The following PLB1 variants were observed in gnomAD, a reference collection of about 807,000 sequenced individuals.
The protein encoded by PLB1 is phospholipase B1, membrane-associated.
Under a neutral mutation model 227.4 loss-of-function variants are expected in PLB1, and 242 were observed. That is an observed-to-expected ratio of 1.06 (90% CI 0.96 to 1.18). PLB1 has a LOEUF of 1.18. Ranked by LOEUF, PLB1 falls within the 50% of genes most tolerant of loss-of-function variation. The probability of loss-of-function intolerance (pLI) is 0.00; values close to 1 mark genes in which losing one functional copy is unlikely to be tolerated. For synonymous variants in PLB1, 757 were observed against 682.2 expected (o/e 1.11, Z -1.71); for missense variants, 1,858 against 1,816.3 (o/e 1.02, Z -0.42).
intron 15 of PLB1, 33 bp downstream of exon 15, chr2:28,548,964 T>C (rs373310325): frequency 4.6e-5 from 74 of 1,606,994 alleles, no homozygotes; most frequent in Admixed American, 8.3e-5. Flanking sequence ...GGGACTCTTA[T>C]TGAATCGAGG....
chr2:28,549,059 C>A, intron 15 of PLB1, 128 bp downstream of exon 15: 1 of 812,180 alleles, frequency 1.2e-6, no homozygotes, highest in Non-Finnish European at 2.0e-6. Flanking sequence ...TCTGGGCCTG[C>A]ACACAGTTTT....
chr2:28,558,135 CAT>C (rs1234790294), intron 17 of PLB1, among the ~76,000 whole-genome samples: 1 of 139,012 alleles, frequency 7.2e-6, no homozygotes, highest in African/African-American at 2.6e-5. Context: ...CAGACATAAA[CAT>C]AGGGGGGTGT....
At position 28,579,637 on chromosome 2, in the gene PLB1, T is replaced by C; in HGVS notation, c.1496T>C (p.Phe499Ser). ...TTCTATTCATTTCAGAGGATACACT[T>C]TCAGGAAGACTGGAAGATAATAACC... ...DLMKNDTRIH[F>S]QEDWKIITLF... Residue 499 changes from phenylalanine to serine, a missense_variant, in exon 23 of 58, where the codon TTT (phenylalanine) becomes TCT (serine). Coordinates refer to ENST00000327757, the MANE Select transcript of PLB1 (RefSeq NM_153021.5). 6.2e-7 allele frequency: 1 copy of C among 1,612,168 alleles called. No homozygotes were observed. The highest frequency in any genetic ancestry group is 8.5e-7 in the Non-Finnish European group (1 of 1,178,364).
At chr2:28,602,076 G>C (rs907118121) in intron 38 of PLB1, 112 bp downstream of exon 38, 21 of 1,011,746 alleles carry the variant, frequency 2.1e-5, no homozygotes, top group Middle Eastern at 2.3e-4. Context: ...ACAGCCAGGG[G>C]CATGGACTCC....
In PLB1 at chr2:28,602,912, A is replaced by C; in HGVS notation, c.2765A>C (p.Gln922Pro). ...FLGNPDKCPV[Q>P]QASVLCNCVL... Reference sequence around the variant, plus strand: ...GGAAACCCAGACAAGTGCCCAGTGCAGCAGGCCAGGTAGGCAGGTCCTGGC... The same window carrying C: ...GGAAACCCAGACAAGTGCCCAGTGCCGCAGGCCAGGTAGGCAGGTCCTGGC... The change falls in exon 39 of 58, where the codon CAG (glutamine) becomes CCG (proline). Residue 922 changes from glutamine (Q) to proline (P), a missense_variant. Physicochemically the swap from Gln to Pro is moderately conservative, Grantham distance 76. Transcript: ENST00000327757. The C allele has an allele frequency of 6.2e-7, 1 of 1,614,112 alleles. No homozygotes were observed. The highest frequency in any genetic ancestry group is 1.1e-5 in the South Asian group (1 of 91,088).
intron 1 of PLB1, 53 bp downstream of exon 1, chr2:28,496,222 C>G: frequency 6.4e-7 from 1 of 1,556,522 alleles, no homozygotes; most frequent in Non-Finnish European, 8.8e-7. Flanking sequence ...CCGCTGGTGT[C>G]CCATGTTGCT....
chr2:28,598,400 G>T lies in PLB1; in HGVS notation c.2366-252G>T, dbSNP rs56933732. Among the ~76,000 whole-genome samples, 490 of 152,310 alleles carry T rather than the reference G, an allele frequency of 3.2e-3. 3 individuals carry two copies. Among genetic ancestry groups the T allele is most frequent in the African/African-American group, 0.011 (467 of 41,556 alleles). On this transcript the variant is annotated intron_variant, in intron 34 of 57. Transcript: ENST00000327757. ...TTAGGTAGTGACCCTTCAATGCACTGTGAATTGTATTAATACAATTTAATA... is the reference window on the plus strand; with the variant it reads ...TTAGGTAGTGACCCTTCAATGCACTTTGAATTGTATTAATACAATTTAATA...
intron 32 of PLB1, among the ~76,000 whole-genome samples, chr2:28,593,043 CT>C (rs1234249807): frequency 6.6e-6 from 1 of 152,100 alleles, no homozygotes; most frequent in East Asian, 1.9e-4. Context: ...GCTCTTTTTC[CT>C]TTGGATTATG....
chr2:28,557,567 C>T (rs1675336459), intron 17 of PLB1, among the ~76,000 whole-genome samples: 1 of 152,186 alleles, frequency 6.6e-6, no homozygotes, highest in African/African-American at 2.4e-5. Flanking sequence ...GTACAGTGGG[C>T]AGTGTCCCCA....
chr2:28,518,367 A>C, intron 2 of PLB1, 99 bp from the exon 3 acceptor site: 1 of 908,042 alleles, frequency 1.1e-6, no homozygotes, highest in Non-Finnish European at 1.8e-6. Context: ...TTGAGCCTAG[A>C]TAGAATGAGT....
chr2:28,532,279 C>A, intron 9 of PLB1, 85 bp downstream of exon 9: 1 of 1,115,932 alleles, frequency 9.0e-7, no homozygotes, highest in South Asian at 1.4e-5. Context: ...ACCCAATCCC[C>A]AGCTGTCAGG....
intron 40 of PLB1, 78 bp from the exon 41 acceptor site, chr2:28,604,577 C>T: frequency 8.7e-7 from 1 of 1,153,260 alleles, no homozygotes; most frequent in Non-Finnish European, 1.3e-6. Context: ...ATGGACTGCC[C>T]ACCACCCCTA....
At chr2:28,559,565 G>C (rs376269039) in intron 17 of PLB1, among the ~76,000 whole-genome samples, 1 of 152,078 alleles carries the variant, frequency 6.6e-6, no homozygotes, top group Non-Finnish European at 1.5e-5. Flanking sequence ...GAAAGGAGAC[G>C]AGACCTTGGA....
intron 13 of PLB1, among the ~76,000 whole-genome samples, chr2:28,542,516 G>A (rs932684458): frequency 2.0e-5 from 3 of 152,114 alleles, no homozygotes; most frequent in Non-Finnish European, 4.4e-5. Flanking sequence ...AATACTTGGG[G>A]GGATGTAGAG....
intron 14 of PLB1, 161 bp from the exon 15 acceptor site, chr2:28,548,699 A>G: frequency 4.3e-6 from 3 of 694,070 alleles, no homozygotes; most frequent in Non-Finnish European, 7.8e-6. Context: ...CCCCAGCCCC[A>G]GAGTCTCAGA....
At chr2:28,510,202 C>T (rs983197885) in intron 1 of PLB1, among the ~76,000 whole-genome samples, 2 of 152,216 alleles carry the variant, frequency 1.3e-5, no homozygotes, top group African/African-American at 2.4e-5. Flanking sequence ...TGTTTACATG[C>T]ATTTAATCCT....
At chr2:28,534,822 C>T (rs763781526) in intron 9 of PLB1, among the ~76,000 whole-genome samples, 1 of 151,838 alleles carries the variant, frequency 6.6e-6, no homozygotes, top group African/African-American at 2.4e-5. Context: ...CTACTGCACT[C>T]CAGCCTGGGT....
Position 28,532,167 on chromosome 2 carries a change from G to C in PLB1, c.528G>C (p.Gln176His). The change falls in exon 9 of 58, where the codon CAG becomes CAC. Residue 176 changes from glutamine (Q) to histidine (H), a missense_variant. Coordinates refer to ENST00000327757, the MANE Select transcript of PLB1 (RefSeq NM_153021.5). ...ATGTGTTCTTCAGTAATGCAAGCCA[G>C]TGTTACCTGTGCCCCTCTGCTCAAC... ...LINVFFSNAS[Q>H]CYLCPSAQQN... 1 of 1,613,140 alleles carries C rather than the reference G, an allele frequency of 6.2e-7. No homozygotes were observed.
Position 28,601,249 on chromosome 2 carries a change from T to G in PLB1, c.2527-3T>G, listed in dbSNP as rs755374234. The G allele has an allele frequency of 3.7e-6, 6 of 1,610,540 alleles. No homozygotes were observed. In the Admixed American group the frequency reaches 5.0e-5, roughly 13 times the overall value. On this transcript the variant is annotated splice_region_variant and splice_polypyrimidine_tract_variant and intron_variant, in intron 36 of 57. Transcript: ENST00000327757. ...TATCAAGCATTTTCCTCCCTCCATA[T>G]AGAGAGTAAATTTCCATGAAGACTG...
Sources: gnomAD v4.1 joint callset for allele counts (sites outside exome capture counted in the v4.1 genomes callset) on GRCh38, gnomAD v4.1.1 for gene constraint, MANE v1.5 for transcripts, NCBI Gene and HGNC (gene_info 2026-07-23, HGNC 2026-07-21) for gene names.